GOPC: variants seen among roughly 807,000 people sequenced by gnomAD.
GOPC encodes the protein Golgi-associated PDZ and coiled-coil motif-containing protein.
In GOPC, 32 loss-of-function variants were observed where a neutral mutation model predicts 51.2. The observed-to-expected ratio is 0.63, with a 90% CI of 0.47 to 0.84. GOPC has a LOEUF of 0.84. Ranked by LOEUF, GOPC falls within the 40% of genes least tolerant of loss-of-function variation. The pLI is 0.00. For synonymous variants in GOPC, 190 were observed against 205.1 expected, an observed-to-expected ratio of 0.93 and a Z score of 0.63; for missense variants, 441 against 555.5, an observed-to-expected ratio of 0.79 and a Z score of 2.07.
intron 3 of GOPC, chr6:117,575,571 A>C: frequency 1.4e-6 from 1 of 724,964 alleles, no homozygotes. Flanking sequence ...CCTGATATGG[A>C]GTATAGTAAG....
At chr6:117,578,782 A>C (rs1288180498) in intron 2 of GOPC, 118 bp downstream of exon 2, 1 of 539,292 alleles carries the variant, frequency 1.9e-6, no homozygotes, top group African/African-American at 2.0e-5. Flanking sequence ...TATTTCTTAT[A>C]TTTTCTAAAT....
chr6:117,602,402 C>T lies in GOPC; in HGVS notation c.-114G>A. The T allele has an allele frequency of 1.0e-6, 1 of 1,003,434 alleles. No individual in the cohort carries two copies. The highest frequency in any genetic ancestry group is 1.4e-6 in the Non-Finnish European group (1 of 705,498). 62.2% of individuals were successfully genotyped at this position (1,003,434 alleles called of 1,614,324 possible). A position where few individuals can be genotyped will look rare whatever the true frequency, so the allele number is the denominator to read the frequency against. The stretch of plus-strand genomic sequence containing the variant: ...GCGCGCGGGCACACTCCGTCACCTC[C>T]CTTCACCTCGCGCCGTTAACGCCAG... On this transcript the variant is annotated 5_prime_UTR_variant, in exon 1 of 9. Transcript: ENST00000368498.
chr6:117,601,900 G>A, intron 1 of GOPC, 104 bp downstream of exon 1: 4 of 1,275,174 alleles, frequency 3.1e-6, no homozygotes, highest in South Asian at 2.9e-5. Context: ...TTGAAGCCCC[G>A]GTGGGCAGTT....
At position 117,562,972 on chromosome 6, in the gene GOPC, G is replaced by A. The variant is rs564908356; in HGVS notation, c.*282C>T. On this transcript the variant is annotated 3_prime_UTR_variant, in exon 9 of 9. Coordinates refer to ENST00000368498, the MANE Select transcript of GOPC (RefSeq NM_020399.4). ...AAGTAAAACAGTAGGGTTTCATTTG[G>A]TACTTAAGAGCCCAGTAATACCCCT... 1 of 357,242 alleles carries A rather than the reference G, an allele frequency of 2.8e-6. No individual in the cohort carries two copies. Among genetic ancestry groups the A allele is most frequent in the Non-Finnish European group, 5.1e-6 (1 of 195,358 alleles). The allele number at this position is 357,242 out of a possible 1,614,324, so 22.1% of individuals were successfully genotyped here. A position where few individuals can be genotyped will look rare whatever the true frequency, so the allele number is the denominator to read the frequency against.
rs182335643 is a variant in GOPC at position 117,560,594 on chromosome 6, G to A, written c.*2660C>T. The stretch of plus-strand genomic sequence containing the variant: ...CCACAGACAAGCTGTGCTAACTTTC[G>A]ATAGCTGTTGACTTGTAATTATCAA... On this transcript the variant is annotated 3_prime_UTR_variant, in exon 9 of 9. Transcript: ENST00000368498. 3 of 193,730 alleles carry A rather than the reference G, an allele frequency of 1.5e-5. No homozygotes were observed. Among genetic ancestry groups the A allele is most frequent in the African/African-American group, 2.3e-5 (1 of 43,232 alleles). The allele number at this position is 193,730 out of a possible 1,614,324, so 12.0% of individuals were successfully genotyped here. A position where few individuals can be genotyped will look rare whatever the true frequency, so the allele number is the denominator to read the frequency against.
chr6:117,592,521 A>G (rs1780133386), intron 1 of GOPC, among the ~76,000 whole-genome samples: 3 of 152,210 alleles, frequency 2.0e-5, no homozygotes, highest in Middle Eastern at 3.4e-3. Flanking sequence ...GCTGTTGGCA[A>G]TCACTGGCAT....
chr6:117,579,959 G>A (rs1390010579), intron 1 of GOPC, among the ~76,000 whole-genome samples: 2 of 152,048 alleles, frequency 1.3e-5, no homozygotes, highest in African/African-American at 4.8e-5. Flanking sequence ...AAATAATGTG[G>A]CAAGTTATAT....
chr6:117,569,927 C>G, intron 6 of GOPC, 191 bp from the exon 7 acceptor site: 1 of 577,272 alleles, frequency 1.7e-6, no homozygotes. Flanking sequence ...CAGAAATTGG[C>G]TAAATTCTTA....
At chr6:117,586,475 C>CTT (rs869148559) in intron 1 of GOPC, among the ~76,000 whole-genome samples, 1,003 of 91,894 alleles carry the variant, frequency 0.011, 8 homozygotes, top group Middle Eastern at 0.014. Flanking sequence ...CACAGAGATT[C>CTT]TTTTTTTTTT....
At chr6:117,563,473 G>T in intron 8 of GOPC, 89 bp from the exon 9 acceptor site, 1 of 1,321,336 alleles carries the variant, frequency 7.6e-7, no homozygotes, top group African/African-American at 1.5e-5. Flanking sequence ...TGTAATCCCA[G>T]CACTTTGAGA....
At chr6:117,591,172 A>G (rs930751485) in intron 1 of GOPC, among the ~76,000 whole-genome samples, 35 of 152,194 alleles carry the variant, frequency 2.3e-4, no homozygotes, top group African/African-American at 8.4e-4. Context: ...AATTTTAAAA[A>G]GGGGCCAAAT....
Position 117,560,335 on chromosome 6 carries a change from T to G in GOPC, c.*2919A>C, listed in dbSNP as rs1340863203. ...ATCAATATCATTTTAATGTAGAAGA[T>G]GCCATCTTTATTTACAGGCTAATAA... On this transcript the variant is annotated 3_prime_UTR_variant, in exon 9 of 9. Coordinates refer to ENST00000368498, the MANE Select transcript of GOPC (RefSeq NM_020399.4). 1 of 179,398 alleles carries G rather than the reference T, an allele frequency of 5.6e-6. No homozygotes were observed. The highest frequency in any genetic ancestry group is 9.2e-5 in the East Asian group (1 of 10,820). The allele number at this position is 179,398 out of a possible 1,614,324, so 11.1% of individuals were successfully genotyped here. A position where few individuals can be genotyped will look rare whatever the true frequency, so the allele number is the denominator to read the frequency against.
rs1779837853 is a variant in GOPC at position 117,573,611 on chromosome 6, T to C, written c.672A>G (p.Leu224=). The C allele has an allele frequency of 1.2e-6, 2 of 1,613,532 alleles. No individual in the cohort carries two copies. Among genetic ancestry groups the C allele is most frequent in the Non-Finnish European group, 1.7e-6 (2 of 1,179,732 alleles). The change falls in exon 5 of 9, where the codon CTA becomes CTG. Residue 224 remains leucine, a synonymous_variant. Coordinates refer to ENST00000368498, the MANE Select transcript of GOPC (RefSeq NM_020399.4). ...GAGCAGGTCCCTTCATATCTCGTCCTAGCAATTGTATCTGTTGGACCCTTC... is the reference window on the plus strand; with the variant it reads ...GAGCAGGTCCCTTCATATCTCGTCCCAGCAATTGTATCTGTTGGACCCTTC... ...LAGRVQQIQL[L]GRDMKGPAHD...
rs757358607 is a variant in GOPC at position 117,602,265 on chromosome 6, T to TG, written c.23dup (p.Ala9SerfsTer57). 6.3e-7 allele frequency: 1 copy of TG among 1,595,104 alleles called. No individual in the cohort carries two copies. The highest frequency in any genetic ancestry group is 1.1e-5 in the South Asian group (1 of 90,724). On this transcript the variant is annotated frameshift_variant, in exon 1 of 9. Transcript: ENST00000368498. LOFTEE classifies it high-confidence loss of function. ...CCCCTGGGCCCCCTCCGGCTGCTGC[T>TG]GGGCATGGACCGCCCGCCGACATGG...
rs75925351 is a variant in GOPC at position 117,599,487 on chromosome 6, T to C, written c.285+2517A>G. 8.2e-3 allele frequency among the ~76,000 whole-genome samples: 1,247 copies of C among 152,250 alleles called. 15 individuals carry two copies. The highest frequency in any genetic ancestry group is 0.026 in the African/African-American group (1,086 of 41,550). ...AACTTCTTTCCACAGCAATACACAA[T>C]TGATTCCATAAAAACGGCAGAAGCT... On this transcript the variant is annotated intron_variant, in intron 1 of 8. Coordinates refer to ENST00000368498, the MANE Select transcript of GOPC (RefSeq NM_020399.4).
chr6:117,567,576 G>C (rs994626100), intron 7 of GOPC, among the ~76,000 whole-genome samples: 13 of 151,982 alleles, frequency 8.6e-5, no homozygotes, highest in African/African-American at 2.7e-4. Context: ...AATAGGTCTT[G>C]AGTAAGAACT....
chr6:117,593,237 C>T (rs1249558454), intron 1 of GOPC, among the ~76,000 whole-genome samples: 1 of 151,994 alleles, frequency 6.6e-6, no homozygotes, highest in Non-Finnish European at 1.5e-5. Context: ...CTGACGTGGG[C>T]TCCTATTTTA....
chr6:117,588,422 C>T (rs574040727), intron 1 of GOPC, among the ~76,000 whole-genome samples: 22 of 152,000 alleles, frequency 1.4e-4, no homozygotes, highest in African/African-American at 4.8e-4. Context: ...ATTACCACTG[C>T]CCGCCACCAC....
At chr6:117,590,264 T>C (rs1043384381) in intron 1 of GOPC, among the ~76,000 whole-genome samples, 8 of 152,150 alleles carry the variant, frequency 5.3e-5, no homozygotes, top group Non-Finnish European at 1.2e-4. Flanking sequence ...AGTTTTCTAT[T>C]AGGAAAAGAT....
Sources: gnomAD v4.1 joint callset for allele counts (sites outside exome capture counted in the v4.1 genomes callset) on GRCh38, gnomAD v4.1.1 for gene constraint, MANE v1.5 for transcripts, NCBI Gene and HGNC (gene_info 2026-07-23, HGNC 2026-07-21) for gene names.